Variants in ALK observed in about 807,000 individuals in gnomAD.
ALK encodes ALK tyrosine kinase receptor.
ALK carries 74 observed loss-of-function variants against 163.1 expected under a neutral mutation model. The ratio of observed to expected loss-of-function variants is 0.45; its 90% CI spans 0.38 to 0.55. The LOEUF (loss-of-function observed/expected upper bound fraction) is 0.55, where lower values mean the gene tolerates loss of function less well. ALK is among the 20% of genes least tolerant of loss of function. The pLI is 0.00. For missense variants in ALK, 2,063 were observed against 2,105.3 expected (o/e 0.98, Z 0.39); for synonymous variants, 960 against 843.2 (o/e 1.14, Z -2.40).
At chr2:29,734,082 G>A (rs1397788544) in intron 1 of ALK, among the ~76,000 whole-genome samples, 10 of 152,264 alleles carry the variant, frequency 6.6e-5, no homozygotes, top group Admixed American at 6.5e-5. Context: ...ACAAGTTAGC[G>A]GCCCAATGAG....
In ALK at chr2:29,920,405, G is replaced by T; in HGVS notation, c.255C>A (p.Pro85=). 1 of 1,581,258 alleles carries T rather than the reference G, an allele frequency of 6.3e-7. No individual in the cohort carries two copies. ...CCAGAGCTAGCGAGCCGCGGGCCTC[G>T]GGCCTGCCAGCCTTCAGCTCCGAGG... ...PSSSELKAGR[P]EARGSLALDC... is the part of the protein sequence containing the mutation. Residue 85 remains proline, a synonymous_variant, in exon 1 of 29, where the codon CCC becomes CCA. Transcript: ENST00000389048.
At chr2:29,765,371 C>A (rs1371217129) in intron 1 of ALK, among the ~76,000 whole-genome samples, 1 of 152,184 alleles carries the variant, frequency 6.6e-6, no homozygotes, top group African/African-American at 2.4e-5. Flanking sequence ...TTCTCATGAG[C>A]TCTCTCCAGG....
chr2:29,442,393 C>CA (rs1670568685), intron 4 of ALK, among the ~76,000 whole-genome samples: 1 of 152,070 alleles, frequency 6.6e-6, no homozygotes, highest in Non-Finnish European at 1.5e-5. Flanking sequence ...ATCCTTGCTC[C>CA]TTCACAATAT....
chr2:29,624,333 G>A (rs1022244585), intron 3 of ALK, among the ~76,000 whole-genome samples: 17 of 152,162 alleles, frequency 1.1e-4, no homozygotes, highest in Admixed American at 2.0e-4. Context: ...AAAACTGACC[G>A]TCCAGGATTC....
chr2:29,372,000 C>A (rs572862663), intron 5 of ALK, among the ~76,000 whole-genome samples: 1 of 152,154 alleles, frequency 6.6e-6, no homozygotes, highest in Non-Finnish European at 1.5e-5. Flanking sequence ...TTAACATTTG[C>A]GTGCAGTTTG....
chr2:29,885,430 TAGAAAACGTTGTGAAAGTC>T (rs955957547), intron 1 of ALK, among the ~76,000 whole-genome samples: 4 of 152,180 alleles, frequency 2.6e-5, no homozygotes, highest in African/African-American at 9.7e-5. Context: ...ACTGTTGTTA[TAGAAAACGTTGTGAAAGTC>T]ATCAAGCCCA....
At chr2:29,367,869 G>C (rs966453133) in intron 5 of ALK, among the ~76,000 whole-genome samples, 1 of 152,188 alleles carries the variant, frequency 6.6e-6, no homozygotes, top group African/African-American at 2.4e-5. Context: ...GTGATTAAAT[G>C]AATCTCTGAA....
intron 3 of ALK, among the ~76,000 whole-genome samples, chr2:29,632,124 C>T (rs1276415842): frequency 6.6e-6 from 1 of 152,164 alleles, no homozygotes; most frequent in Non-Finnish European, 1.5e-5. Context: ...CTCTCTCCCC[C>T]AGGATAGGTG....
At chr2:29,577,268 T>C (rs1423837604) in intron 3 of ALK, among the ~76,000 whole-genome samples, 2 of 152,182 alleles carry the variant, frequency 1.3e-5, no homozygotes, top group Non-Finnish European at 2.9e-5. Context: ...TTGAGTCATT[T>C]TACCCTTCTG....
At chr2:29,860,443 A>G (rs1666251375) in intron 1 of ALK, among the ~76,000 whole-genome samples, 1 of 152,106 alleles carries the variant, frequency 6.6e-6, no homozygotes, top group Non-Finnish European at 1.5e-5. Flanking sequence ...ACAAGATACC[A>G]ATAGCAATTA....
At chr2:29,772,629 G>A (rs1325551645) in intron 1 of ALK, among the ~76,000 whole-genome samples, 1 of 152,182 alleles carries the variant, frequency 6.6e-6, no homozygotes, top group African/African-American at 2.4e-5. Flanking sequence ...AAGTCTAGCT[G>A]TATGCCCCCC....
chr2:29,222,635 C>A (rs1342845510), intron 20 of ALK, 28 bp from the exon 21 acceptor site: 2 of 1,599,874 alleles, frequency 1.3e-6, no homozygotes, highest in African/African-American at 1.3e-5. Context: ...CAAGAGGAGA[C>A]AGAGTCAAAC....
At chr2:29,655,253 GC>G (rs1337569711) in intron 3 of ALK, among the ~76,000 whole-genome samples, 1 of 152,136 alleles carries the variant, frequency 6.6e-6, no homozygotes, top group African/African-American at 2.4e-5. Context: ...GCTGGTAGGG[GC>G]TGAATATGGT....
intron 1 of ALK, among the ~76,000 whole-genome samples, chr2:29,833,786 A>C (rs78860044): frequency 0.045 from 6,834 of 152,318 alleles, 347 homozygotes; most frequent in African/African-American, 0.12. Context: ...TCTCCTTGAA[A>C]GCATCTCAAG....
intron 1 of ALK, among the ~76,000 whole-genome samples, chr2:29,776,178 C>G (rs2148347487): frequency 6.8e-6 from 1 of 148,020 alleles, no homozygotes; most frequent in Non-Finnish European, 1.5e-5. Context: ...ATATGTAACC[C>G]TAATATGGAA....
intron 4 of ALK, among the ~76,000 whole-genome samples, chr2:29,390,850 G>A (rs981787044): frequency 3.3e-5 from 5 of 152,204 alleles, no homozygotes; most frequent in Admixed American, 1.3e-4. Flanking sequence ...TACACATGGC[G>A]TGTGGCATGG....
intron 2 of ALK, among the ~76,000 whole-genome samples, chr2:29,709,456 TTGAGTACACAA>T (rs1679009654): frequency 6.6e-6 from 1 of 152,174 alleles, no homozygotes. Flanking sequence ...ATTACTTCTA[TTGAGTACACAA>T]TGAGTACACA....
intron 3 of ALK, among the ~76,000 whole-genome samples, chr2:29,690,310 A>C (rs541546756): frequency 1.3e-5 from 2 of 152,208 alleles, no homozygotes; most frequent in South Asian, 4.2e-4. Context: ...ACAAAGCAAA[A>C]ACCTGAGAGT....
intron 1 of ALK, among the ~76,000 whole-genome samples, chr2:29,751,169 G>A (rs1189052958): frequency 4.6e-5 from 7 of 151,618 alleles, no homozygotes; most frequent in Admixed American, 2.0e-4. Flanking sequence ...CATTTACCAC[G>A]AATGAAGCTT....
Sources: gnomAD v4.1 joint callset for allele counts (sites outside exome capture counted in the v4.1 genomes callset) on GRCh38, gnomAD v4.1.1 for gene constraint, MANE v1.5 for transcripts, NCBI Gene and HGNC (gene_info 2026-07-23, HGNC 2026-07-21) for gene names.